Variants in CYRIA observed in about 807,000 individuals in gnomAD.
CYRIA encodes the protein CYFIP related Rac1 interactor A, also known as CYFIP-related Rac1 interactor A.
Under a neutral mutation model 43.9 loss-of-function variants are expected in CYRIA, and 15 were observed. That is an observed-to-expected ratio of 0.34 (90% CI 0.23 to 0.53). The LOEUF is 0.53. Among genes scored for constraint, CYRIA ranks in the 20% least tolerant of loss-of-function variants. CYRIA has a pLI of 0.94. For synonymous variants in CYRIA, 117 were observed against 136.0 expected (o/e 0.86, Z 0.97); for missense variants, 236 against 394.2 (o/e 0.60, Z 3.40).
chr2:16,616,362 T>C (rs1401178293), intron 2 of CYRIA, among the ~76,000 whole-genome samples: 2 of 152,198 alleles, frequency 1.3e-5, no homozygotes, highest in Non-Finnish European at 2.9e-5. Context: ...GGTTTCCCAC[T>C]ATCCCATTCA....
At chr2:16,646,640 C>A (rs750677944) in intron 1 of CYRIA, among the ~76,000 whole-genome samples, 2 of 152,216 alleles carry the variant, frequency 1.3e-5, no homozygotes, top group African/African-American at 2.4e-5. Context: ...TATGTATCAA[C>A]TTGACTGGAG....
At chr2:16,591,123 G>T (rs1667916144) in intron 2 of CYRIA, among the ~76,000 whole-genome samples, 1 of 151,328 alleles carries the variant, frequency 6.6e-6, no homozygotes, top group African/African-American at 2.4e-5. Context: ...TCATGAAATA[G>T]CTTAATTAAT....
intron 1 of CYRIA, among the ~76,000 whole-genome samples, chr2:16,646,488 T>C (rs1669824117): frequency 6.6e-6 from 1 of 152,078 alleles, no homozygotes; most frequent in Non-Finnish European, 1.5e-5. Context: ...CAAGGAAAAA[T>C]GGGGCTCTGG....
At chr2:16,637,443 A>G (rs748135663) in intron 1 of CYRIA, among the ~76,000 whole-genome samples, 33 of 152,204 alleles carry the variant, frequency 2.2e-4, no homozygotes, top group Non-Finnish European at 4.6e-4. Flanking sequence ...CCATATGAGG[A>G]TGCAATGAGG....
intron 1 of CYRIA, among the ~76,000 whole-genome samples, chr2:16,652,492 T>A (rs1027564244): frequency 2.0e-5 from 3 of 152,284 alleles, no homozygotes; most frequent in African/African-American, 7.2e-5. Flanking sequence ...TTTGAAGAAA[T>A]TCAAGCTCCT....
chr2:16,590,004 G>T (rs1419571919), intron 2 of CYRIA, among the ~76,000 whole-genome samples: 3 of 151,816 alleles, frequency 2.0e-5, no homozygotes, highest in Non-Finnish European at 4.4e-5. Flanking sequence ...GGGGCAGAAG[G>T]CTGGGCTAGA....
chr2:16,633,450 G>A (rs948292250), intron 1 of CYRIA, among the ~76,000 whole-genome samples: 1 of 150,272 alleles, frequency 6.7e-6, no homozygotes, highest in Non-Finnish European at 1.5e-5. Flanking sequence ...GTCTCGTTCT[G>A]TCACCCAGGC....
chr2:16,581,937 A>G (rs2103447700), intron 3 of CYRIA, among the ~76,000 whole-genome samples: 1 of 152,286 alleles, frequency 6.6e-6, no homozygotes, highest in African/African-American at 2.4e-5. Context: ...AAAAACATAC[A>G]AAAAAGCATA....
chr2:16,660,974 A>G (rs1670237221), intron 1 of CYRIA, among the ~76,000 whole-genome samples: 1 of 152,192 alleles, frequency 6.6e-6, no homozygotes, highest in South Asian at 2.1e-4. Flanking sequence ...GCAATTCTGT[A>G]ACTGCTTTTC....
Position 16,553,005 on chromosome 2 carries a change from T to G in CYRIA, c.909-6A>C, listed in dbSNP as rs1666368021. ...TCAAGTGCTTTGTAGTGAACCTGGATGGAGAGAGAATGGTAGAGGTTAGCG... is the reference window on the plus strand; with the variant it reads ...TCAAGTGCTTTGTAGTGAACCTGGAGGGAGAGAGAATGGTAGAGGTTAGCG... On this transcript the variant is annotated splice_polypyrimidine_tract_variant and splice_region_variant and intron_variant, in intron 11 of 11. Transcript: ENST00000381323. The G allele has an allele frequency of 6.3e-7, 1 of 1,596,574 alleles. No homozygotes were observed. Among genetic ancestry groups the G allele is most frequent in the Non-Finnish European group, 8.6e-7 (1 of 1,164,034 alleles).
intron 2 of CYRIA, among the ~76,000 whole-genome samples, chr2:16,604,336 G>A (rs1668304231): frequency 6.6e-6 from 1 of 152,248 alleles, no homozygotes; most frequent in African/African-American, 2.4e-5. Context: ...GGCCACTGTT[G>A]TCAGTGACAT....
chr2:16,581,640 T>C (rs2103447162), intron 3 of CYRIA, among the ~76,000 whole-genome samples: 1 of 152,286 alleles, frequency 6.6e-6, no homozygotes, highest in East Asian at 1.9e-4. Flanking sequence ...TACAAGGGTA[T>C]ATTGTGTTGC....
chr2:16,589,263 C>T (rs1235216697), intron 2 of CYRIA, among the ~76,000 whole-genome samples: 1 of 151,978 alleles, frequency 6.6e-6, no homozygotes, highest in East Asian at 1.9e-4. Flanking sequence ...CTATAGTTTC[C>T]AACAATATTT....
At chr2:16,562,223 A>G in intron 5 of CYRIA, 82 bp from the exon 6 acceptor site, 1 of 1,445,804 alleles carries the variant, frequency 6.9e-7, no homozygotes, top group Non-Finnish European at 9.4e-7. Context: ...GCCTCAGTTG[A>G]CAATCTCGGA....
At chr2:16,646,680 T>C (rs1425480214) in intron 1 of CYRIA, among the ~76,000 whole-genome samples, 1 of 152,218 alleles carries the variant, frequency 6.6e-6, no homozygotes, top group East Asian at 1.9e-4. Flanking sequence ...TGGTTAAACA[T>C]TATTCTGTTT....
At chr2:16,639,504 C>G (rs1669609160) in intron 1 of CYRIA, among the ~76,000 whole-genome samples, 1 of 152,240 alleles carries the variant, frequency 6.6e-6, no homozygotes, top group South Asian at 2.1e-4. Flanking sequence ...GAAGGCAAGA[C>G]CAGTGGAAGC....
At position 16,619,378 on chromosome 2, in the gene CYRIA, TATAG is replaced by T. The variant is rs530963880; in HGVS notation, c.-11+4482_-11+4485del. Among the ~76,000 whole-genome samples, 234 of 152,232 alleles carry T rather than the reference TATAG, an allele frequency of 1.5e-3. 1 individual carries two copies. Among genetic ancestry groups the T allele is most frequent in the Middle Eastern group, 0.014 (4 of 294 alleles). ...AAAACCCTCTGTGTGTGTGTGCATA[TATAG>T]ATATATATATATATACACACACACA... is the stretch of plus-strand genomic sequence containing the variant. On this transcript the variant is annotated intron_variant, in intron 2 of 11. Coordinates refer to ENST00000381323, the MANE Select transcript of CYRIA (RefSeq NM_030797.4).
chr2:16,569,644 A>G (rs1667060706), intron 3 of CYRIA, among the ~76,000 whole-genome samples: 1 of 152,198 alleles, frequency 6.6e-6, no homozygotes, highest in Non-Finnish European at 1.5e-5. Context: ...AACTGGGAGA[A>G]GCTCTAGTCT....
intron 2 of CYRIA, among the ~76,000 whole-genome samples, chr2:16,621,173 A>G (rs1668981458): frequency 6.6e-6 from 1 of 152,224 alleles, no homozygotes; most frequent in African/African-American, 2.4e-5. Flanking sequence ...TATCTGCTGA[A>G]TGAATGATCC....
Sources: gnomAD v4.1 joint callset for allele counts (sites outside exome capture counted in the v4.1 genomes callset) on GRCh38, gnomAD v4.1.1 for gene constraint, MANE v1.5 for transcripts, NCBI Gene and HGNC (gene_info 2026-07-23, HGNC 2026-07-21) for gene names.